Variants in PTPRD observed in about 807,000 individuals in gnomAD.
PTPRD encodes the protein protein tyrosine phosphatase receptor type D.
In PTPRD, 34 loss-of-function variants were observed where a neutral mutation model predicts 214.5. The observed-to-expected ratio is 0.16, with a 90% CI of 0.12 to 0.21. The LOEUF is 0.21. PTPRD is among the 10% of genes least tolerant of loss of function. The pLI is 1.00. For missense variants in PTPRD, 2,545 were observed against 2,398.7 expected (o/e 1.06, Z -1.27); for synonymous variants, 1,128 against 845.7 (o/e 1.33, Z -5.79).
chr9:8,700,173 G>C (rs531602114), intron 12 of PTPRD, among the ~76,000 whole-genome samples: 1 of 152,254 alleles, frequency 6.6e-6, no homozygotes, highest in Admixed American at 6.5e-5. Context: ...TTCTGCTGCT[G>C]TAAATCTTAA....
intron 8 of PTPRD, among the ~76,000 whole-genome samples, chr9:9,545,773 T>C (rs117258895): frequency 0.017 from 2,511 of 151,956 alleles, 40 homozygotes; most frequent in Admixed American, 0.026. Flanking sequence ...CATTATTGGC[T>C]ATTCTGGGTC....
chr9:9,682,237 G>C (rs906736503), intron 7 of PTPRD, among the ~76,000 whole-genome samples: 4 of 151,726 alleles, frequency 2.6e-5, no homozygotes, highest in African/African-American at 9.7e-5. Context: ...ACAGGGACAG[G>C]AATAGGTGAT....
intron 11 of PTPRD, among the ~76,000 whole-genome samples, chr9:8,933,413 T>C (rs2098968231): frequency 6.8e-6 from 1 of 147,170 alleles, no homozygotes; most frequent in South Asian, 2.3e-4. Context: ...ATCCCTTTCT[T>C]ATACCAAGTT....
At chr9:9,053,649 T>C (rs1415838348) in intron 10 of PTPRD, among the ~76,000 whole-genome samples, 1 of 152,168 alleles carries the variant, frequency 6.6e-6, no homozygotes, top group African/African-American at 2.4e-5. Flanking sequence ...TAAATTTCTG[T>C]TGCTTTAAGT....
At chr9:9,087,333 A>C (rs529434297) in intron 10 of PTPRD, among the ~76,000 whole-genome samples, 1 of 152,332 alleles carries the variant, frequency 6.6e-6, no homozygotes, top group South Asian at 2.1e-4. Context: ...GATAAATCAC[A>C]AATAATAAAA....
At chr9:10,348,365 T>C (rs1476069750) in intron 2 of PTPRD, among the ~76,000 whole-genome samples, 2 of 152,166 alleles carry the variant, frequency 1.3e-5, no homozygotes, top group Non-Finnish European at 2.9e-5. Context: ...GTAAAATGAA[T>C]GTTAGAAAAC....
chr9:10,416,895 TC>T (rs2098496031), intron 2 of PTPRD, among the ~76,000 whole-genome samples: 1 of 151,698 alleles, frequency 6.6e-6, no homozygotes, highest in Non-Finnish European at 1.5e-5. Flanking sequence ...GTTCTAAGAG[TC>T]CTGGAAAATA....
chr9:9,712,987 T>C (rs1053459083), intron 7 of PTPRD, among the ~76,000 whole-genome samples: 2 of 152,240 alleles, frequency 1.3e-5, no homozygotes, highest in African/African-American at 2.4e-5. Flanking sequence ...GCTAATCTTG[T>C]CCAGTTTAAC....
rs746694212 is a variant in PTPRD at position 8,500,872 on chromosome 9, G to C, written c.2010C>G (p.Thr670=). The C allele has an allele frequency of 1.9e-6, 3 of 1,614,046 alleles. No homozygotes were observed. Among genetic ancestry groups the C allele is most frequent in the East Asian group, 4.5e-5 (2 of 44,886 alleles). ...HEILGIPSDT[T]KYLLEQLEKW... is the part of the protein sequence containing the mutation. ...TTTCCAGCTGTTCCAAAAGGTATTT[G>C]GTAGTGTCCGAAGGAATTCCCAAAA... Residue 670 remains threonine (T), a synonymous_variant, in exon 24 of 46, where the codon ACC becomes ACG. Transcript: ENST00000381196.
chr9:9,341,799 T>A (rs544254003), intron 9 of PTPRD, among the ~76,000 whole-genome samples: 3 of 151,968 alleles, frequency 2.0e-5, no homozygotes, highest in African/African-American at 7.2e-5. Context: ...AAGATTTTAT[T>A]TATTATTATT....
At chr9:8,946,508 T>C (rs1567169730) in intron 11 of PTPRD, among the ~76,000 whole-genome samples, 2 of 152,172 alleles carry the variant, frequency 1.3e-5, no homozygotes, top group South Asian at 2.1e-4. Flanking sequence ...AAATCCCTTA[T>C]TAGTTAGCAT....
intron 2 of PTPRD, among the ~76,000 whole-genome samples, chr9:10,419,848 C>T (rs979037799): frequency 4.6e-5 from 7 of 151,622 alleles, no homozygotes; most frequent in African/African-American, 1.7e-4. Flanking sequence ...TTAGTTAATA[C>T]TAGAAAATTC....
At chr9:10,385,980 C>T (rs2097907232) in intron 2 of PTPRD, among the ~76,000 whole-genome samples, 1 of 151,730 alleles carries the variant, frequency 6.6e-6, no homozygotes, top group Non-Finnish European at 1.5e-5. Context: ...ACAATTATTT[C>T]TCTAAGTTGT....
intron 7 of PTPRD, among the ~76,000 whole-genome samples, chr9:9,602,575 G>C (rs111950742): frequency 6.6e-6 from 1 of 152,014 alleles, no homozygotes; most frequent in Non-Finnish European, 1.5e-5. Context: ...TAGTACCTGA[G>C]TACCCTCATC....
intron 2 of PTPRD, among the ~76,000 whole-genome samples, chr9:10,608,180 A>T (rs2079992635): frequency 6.6e-6 from 1 of 152,072 alleles, no homozygotes; most frequent in Admixed American, 6.6e-5. Context: ...GATGCTGCAA[A>T]ATAGCATACA....
chr9:10,164,134 A>G (rs1411879572), intron 3 of PTPRD, among the ~76,000 whole-genome samples: 1 of 151,480 alleles, frequency 6.6e-6, no homozygotes, highest in African/African-American at 2.4e-5. Context: ...AGTGCATAAA[A>G]ATACCTGCAC....
At chr9:8,603,375 T>A (rs1006545694) in intron 14 of PTPRD, among the ~76,000 whole-genome samples, 10 of 152,324 alleles carry the variant, frequency 6.6e-5, no homozygotes, top group African/African-American at 2.4e-4. Context: ...TTTAAACTCT[T>A]GGTGTGAGTA....
chr9:10,274,002 C>G (rs2094550250), intron 3 of PTPRD, among the ~76,000 whole-genome samples: 1 of 152,040 alleles, frequency 6.6e-6, no homozygotes, highest in Admixed American at 6.6e-5. Flanking sequence ...GATGGACATA[C>G]TACTTCTGTT....
At chr9:9,774,875 T>C (rs1283505231) in intron 5 of PTPRD, among the ~76,000 whole-genome samples, 3 of 152,218 alleles carry the variant, frequency 2.0e-5, no homozygotes, top group Non-Finnish European at 2.9e-5. Flanking sequence ...TGCATGATAG[T>C]ACCTCATAAA....
Sources: gnomAD v4.1 joint callset for allele counts (sites outside exome capture counted in the v4.1 genomes callset) on GRCh38, gnomAD v4.1.1 for gene constraint, MANE v1.5 for transcripts, NCBI Gene and HGNC (gene_info 2026-07-23, HGNC 2026-07-21) for gene names.